The following CNTN5 variants were observed in gnomAD, a reference collection of about 807,000 sequenced individuals.
CNTN5 encodes contactin 5, also known as contactin-5.
A neutral mutation model predicts 129.1 loss-of-function variants in CNTN5; 77 were observed. The ratio of observed to expected loss-of-function variants is 0.60; its 90% confidence interval spans 0.50 to 0.72. The LOEUF (loss-of-function observed/expected upper bound fraction) is 0.72, where lower values mean the gene tolerates loss of function less well. Among genes scored for constraint, CNTN5 ranks in the 30% least tolerant of loss-of-function variants. The pLI is 0.00. For missense variants in CNTN5, 1,478 were observed against 1,328.8 expected, an observed-to-expected ratio of 1.11 and a Z score of -1.75; for synonymous variants, 509 against 465.6, an observed-to-expected ratio of 1.09 and a Z score of -1.20.
chr11:100,016,303 G>C (rs987058698), intron 9 of CNTN5, among the ~76,000 whole-genome samples: 1 of 152,022 alleles, frequency 6.6e-6, no homozygotes, highest in Non-Finnish European at 1.5e-5. Context: ...TATCATACAA[G>C]TAACATAAGT....
rs1048865265 is a variant in CNTN5, at chr11:99,983,060, T to G, written c.878-18974T>G. Among the ~76,000 whole-genome samples, 5 of 152,150 alleles carry G rather than the reference T, an allele frequency of 3.3e-5. No homozygotes were observed. In the East Asian group the frequency reaches 7.7e-4, roughly 23 times the overall value. ...TCACATCAGGTGCAAAGAATAAACT[T>G]CATTTCTTCACTGCTGGAAACTACA... On this transcript the variant is annotated intron_variant, in intron 8 of 24. Coordinates refer to ENST00000524871, the MANE Select transcript of CNTN5 (RefSeq NM_014361.4).
chr11:99,165,396 G>A (rs997305291), intron 1 of CNTN5, among the ~76,000 whole-genome samples: 1 of 152,126 alleles, frequency 6.6e-6, no homozygotes, highest in Non-Finnish European at 1.5e-5. Flanking sequence ...AATTTGGCAT[G>A]TCAGGCCTTT....
chr11:99,916,800 T>G (rs1949801661), intron 7 of CNTN5, among the ~76,000 whole-genome samples: 1 of 152,094 alleles, frequency 6.6e-6, no homozygotes, highest in African/African-American at 2.4e-5. Flanking sequence ...TGAGTACTCC[T>G]TTGGAACTTA....
At chr11:99,151,414 G>A (rs1354727001) in intron 1 of CNTN5, among the ~76,000 whole-genome samples, 1 of 152,012 alleles carries the variant, frequency 6.6e-6, no homozygotes, top group Non-Finnish European at 1.5e-5. Context: ...ATTAAAATTA[G>A]CATTCCCTTC....
intron 1 of CNTN5, among the ~76,000 whole-genome samples, chr11:99,284,151 C>G (rs1212303435): frequency 6.6e-6 from 1 of 151,980 alleles, no homozygotes; most frequent in Non-Finnish European, 1.5e-5. Flanking sequence ...GTGCTTAACA[C>G]CAGGCTAGTC....
In CNTN5 at chr11:99,857,218, A is replaced by G. The variant is rs1453852826; in HGVS notation, c.577+11956A>G. 2.0e-5 allele frequency among the ~76,000 whole-genome samples: 3 copies of G among 152,260 alleles called. No individual in the cohort carries two copies. The East Asian group carries it at 5.8e-4, about 29-fold the overall frequency. ...CCAAGCACACCACTGACTTTATTAG[A>G]CTATAAACTCATTGAGGGCAGATTT... On this transcript the variant is annotated intron_variant, in intron 6 of 24. Coordinates refer to ENST00000524871, the MANE Select transcript of CNTN5 (RefSeq NM_014361.4).
At chr11:99,048,652 A>C (rs112217934) in intron 1 of CNTN5, among the ~76,000 whole-genome samples, 2 of 152,102 alleles carry the variant, frequency 1.3e-5, no homozygotes, top group African/African-American at 4.8e-5. Context: ...TAGTTTTTCA[A>C]CTATTACCAA....
chr11:100,262,272 A>G (rs1950215858), intron 17 of CNTN5, among the ~76,000 whole-genome samples: 1 of 152,224 alleles, frequency 6.6e-6, no homozygotes, highest in East Asian at 1.9e-4. Context: ...AATGGCGATC[A>G]TTAAAAGTCA....
chr11:99,599,518 C>T (rs1950248342), intron 3 of CNTN5, among the ~76,000 whole-genome samples: 1 of 151,924 alleles, frequency 6.6e-6, no homozygotes. Context: ...GGTGTTATTT[C>T]CAAATAGTGT....
intron 13 of CNTN5, among the ~76,000 whole-genome samples, chr11:100,142,584 G>C (rs982913299): frequency 1.4e-4 from 21 of 152,160 alleles, no homozygotes; most frequent in African/African-American, 5.1e-4. Flanking sequence ...GTGTCTCCAA[G>C]CGGTTACTGT....
At chr11:100,143,096 T>G (rs574573699) in intron 13 of CNTN5, among the ~76,000 whole-genome samples, 27 of 152,268 alleles carry the variant, frequency 1.8e-4, no homozygotes, top group African/African-American at 5.1e-4. Context: ...AAATTCAAAA[T>G]CTGCAACACT....
intron 3 of CNTN5, among the ~76,000 whole-genome samples, chr11:99,654,904 T>C (rs545421092): frequency 6.6e-6 from 1 of 151,888 alleles, no homozygotes; most frequent in South Asian, 2.1e-4. Flanking sequence ...GAAAAAAAGG[T>C]TTAATCTTAG....
At chr11:99,350,483 A>G (rs1938219512) in intron 2 of CNTN5, among the ~76,000 whole-genome samples, 1 of 152,320 alleles carries the variant, frequency 6.6e-6, no homozygotes. Context: ...TATAAAACAT[A>G]TGTTCACAAA....
At chr11:99,315,501 C>T (rs1591511564) in intron 1 of CNTN5, among the ~76,000 whole-genome samples, 1 of 149,330 alleles carries the variant, frequency 6.7e-6, no homozygotes, top group Admixed American at 6.7e-5. Context: ...AGATTTGGCA[C>T]CTACTTCTGA....
At chr11:99,089,377 T>C (rs1432766702) in intron 1 of CNTN5, among the ~76,000 whole-genome samples, 1 of 152,238 alleles carries the variant, frequency 6.6e-6, no homozygotes, top group Non-Finnish European at 1.5e-5. Flanking sequence ...AAGCACTTTA[T>C]ATAGATCAAC....
intron 13 of CNTN5, among the ~76,000 whole-genome samples, chr11:100,167,804 TGAA>T (rs2138392439): frequency 6.6e-6 from 1 of 152,076 alleles, no homozygotes; most frequent in South Asian, 2.1e-4. Context: ...TTAAACTTGT[TGAA>T]GAAGGCATGT....
chr11:99,461,341 C>T (rs572867612), intron 2 of CNTN5, among the ~76,000 whole-genome samples: 14 of 151,942 alleles, frequency 9.2e-5, no homozygotes, highest in Non-Finnish European at 1.9e-4. Flanking sequence ...GTAGGTTTGT[C>T]GTTTCTGGTT....
chr11:99,533,604 T>C (rs1947793853), intron 2 of CNTN5, among the ~76,000 whole-genome samples: 1 of 152,168 alleles, frequency 6.6e-6, no homozygotes, highest in Admixed American at 6.5e-5. Flanking sequence ...CAGCTAGCCC[T>C]CTTCCACCCA....
At chr11:99,912,466 G>T (rs748202816) in intron 6 of CNTN5, among the ~76,000 whole-genome samples, 27 of 151,910 alleles carry the variant, frequency 1.8e-4, no homozygotes, top group Middle Eastern at 3.4e-3. Context: ...CAGTTTTTCT[G>T]CATAACCAGT....
Sources: gnomAD v4.1 joint callset for allele counts (sites outside exome capture counted in the v4.1 genomes callset) on GRCh38, gnomAD v4.1.1 for gene constraint, MANE v1.5 for transcripts, NCBI Gene and HGNC (gene_info 2026-07-23, HGNC 2026-07-21) for gene names.